CLN8: variants seen among roughly 807,000 people sequenced by gnomAD.
The protein encoded by CLN8 is CLN8 transmembrane ER and ERGIC protein.
Under a neutral mutation model 15.7 loss-of-function variants are expected in CLN8, and 14 were observed. That is an observed-to-expected ratio of 0.89 (90% CI 0.59 to 1.39). The LOEUF (loss-of-function observed/expected upper bound fraction) is 1.39, where lower values mean the gene tolerates loss of function less well. CLN8 is among the 40% of genes most tolerant of loss of function. The pLI is 0.00. For missense variants in CLN8, 415 were observed against 364.0 expected (o/e 1.14, Z -1.14); for synonymous variants, 188 against 151.0 (o/e 1.25, Z -1.80).
chr8:1,759,460 T>A (rs1302230474), upstream of CLN8: 1 of 152,086 alleles, frequency 6.6e-6, no homozygotes, highest in East Asian at 1.9e-4. Flanking sequence ...TAGAACCACT[T>A]GGTAGGATTC....
intron 2 of CLN8, among the ~76,000 whole-genome samples, chr8:1,775,373 T>C (rs1282604563): frequency 6.6e-6 from 1 of 152,176 alleles, no homozygotes; most frequent in African/African-American, 2.4e-5. Context: ...AGGGTGACTG[T>C]ATATTTAAGT....
chr8:1,781,550 A>C lies in CLN8; in HGVS notation c.*983A>C, dbSNP rs1327198736. The C allele has an allele frequency of 4.0e-5, 6 of 149,644 alleles. No individual in the cohort carries two copies. Among genetic ancestry groups the C allele is most frequent in the Admixed American group, 2.0e-4 (3 of 15,078 alleles). 9.3% of individuals were successfully genotyped at this position (149,644 alleles called of 1,614,324 possible). On this transcript the variant is annotated 3_prime_UTR_variant, in exon 3 of 3. Transcript: ENST00000331222. ...AATCTTGCAAGTTTTTTTTTTTTTT[A>C]AATCATGGTACCTGTTTTAAAATGA...
intron 1 of CLN8, among the ~76,000 whole-genome samples, chr8:1,767,403 C>G (rs981604661): frequency 6.6e-6 from 1 of 152,130 alleles, no homozygotes; most frequent in Admixed American, 6.5e-5. Context: ...TGTCTTTCAC[C>G]TATCTGCCAC....
Position 1,772,794 on chromosome 8 carries a change from A to G in CLN8, c.543+1197A>G, listed in dbSNP as rs145128234. On this transcript the variant is annotated intron_variant, in intron 2 of 2. Coordinates refer to ENST00000331222, the MANE Select transcript of CLN8 (RefSeq NM_018941.4). ...CGTGCACAGCCTTAAAATTGTTTTT[A>G]CATAGATTCTTGCTATCTTTTATGA... 1.0e-3 allele frequency: 393 copies of G among 389,132 alleles called. 1 individual carries two copies. The highest frequency in any genetic ancestry group is 7.4e-3 in the African/African-American group (361 of 48,530). The allele number at this position is 389,132 out of a possible 1,614,324, so 24.1% of individuals were successfully genotyped here. A position where few individuals can be genotyped will look rare whatever the true frequency, so the allele number is the denominator to read the frequency against.
At chr8:1,768,330 G>A (rs1217805941) in intron 1 of CLN8, among the ~76,000 whole-genome samples, 1 of 152,158 alleles carries the variant, frequency 6.6e-6, no homozygotes, top group African/African-American at 2.4e-5. Flanking sequence ...TGGTTCTCAT[G>A]TCCTGGAGTC....
chr8:1,760,156 C>T (rs1180825369), upstream of CLN8: 3 of 152,210 alleles, frequency 2.0e-5, no homozygotes, highest in Non-Finnish European at 4.4e-5. Flanking sequence ...GAGGTGCACA[C>T]ATTGCTAACC....
rs999774613 is a variant in CLN8, at chr8:1,757,585, C to G, written c.-124+1503C>G. On this transcript the variant is annotated intron_variant, in intron 1 of 1. Coordinates refer to the CLN8 transcript ENST00000524258. ...CCTCCCAAATTGCTGGAATTACAGG[C>G]ATGTGCCACGACACCCAGCTAATTT... Among the ~76,000 whole-genome samples the G allele has an allele frequency of 2.0e-4, 31 of 152,264 alleles. 1 individual carries two copies. Among genetic ancestry groups the G allele is most frequent in the Admixed American group, 1.9e-3 (29 of 15,294 alleles).
chr8:1,761,533 C>T (rs1036724546), upstream of CLN8, among the ~76,000 whole-genome samples: 1 of 152,224 alleles, frequency 6.6e-6, no homozygotes, highest in African/African-American at 2.4e-5. Context: ...CCATGTTGGC[C>T]AGGCTGGTCT....
intron 2 of CLN8, among the ~76,000 whole-genome samples, chr8:1,776,737 C>A (rs1801533265): frequency 6.6e-6 from 1 of 152,200 alleles, no homozygotes; most frequent in African/African-American, 2.4e-5. Context: ...CCTTGCGGCT[C>A]CATGCATAGG....
intron 1 of CLN8, 44 bp from the exon 2 acceptor site, chr8:1,770,888 T>C: frequency 1.5e-6 from 1 of 670,120 alleles, no homozygotes; most frequent in South Asian, 1.7e-5. Context: ...TGATGTGTCC[T>C]TGTTTCTATC....
At chr8:1,774,391 A>G (rs978401419) in intron 2 of CLN8, among the ~76,000 whole-genome samples, 3 of 152,194 alleles carry the variant, frequency 2.0e-5, no homozygotes, top group East Asian at 1.9e-4. Flanking sequence ...ACATAGTTCT[A>G]TTTTGCTCTA....
chr8:1,769,633 C>A (rs935743207), intron 1 of CLN8, among the ~76,000 whole-genome samples: 9 of 152,308 alleles, frequency 5.9e-5, no homozygotes, highest in African/African-American at 2.2e-4. Context: ...CGTTGTGTGC[C>A]TGGGTTTCCT....
chr8:1,778,156 CAG>C (rs1277012438), intron 2 of CLN8, among the ~76,000 whole-genome samples: 3 of 152,266 alleles, frequency 2.0e-5, no homozygotes, highest in Non-Finnish European at 4.4e-5. Context: ...GGCCAGTTGT[CAG>C]AGTGACTATA....
chr8:1,780,505 C>G lies in CLN8; in HGVS notation c.799C>G (p.Gln267Glu). ...LLNPVDWNFA[Q>E]PEAKSRPEGN... ...CAATCCGGTGGACTGGAACTTCGCA[C>G]AGCCAGAAGCCAAGAGCAGGCCAGA... The change falls in exon 3 of 3, where the codon CAG becomes GAG. Residue 267 changes from glutamine (Q) to glutamate (E), a missense_variant. Coordinates refer to ENST00000331222, the MANE Select transcript of CLN8 (RefSeq NM_018941.4). 1 of 1,614,236 alleles carries G rather than the reference C, an allele frequency of 6.2e-7. No homozygotes were observed. The highest frequency in any genetic ancestry group is 1.7e-5 in the Admixed American group (1 of 60,030).
At chr8:1,765,890 C>T (rs536810884) in intron 1 of CLN8, among the ~76,000 whole-genome samples, 2 of 152,230 alleles carry the variant, frequency 1.3e-5, no homozygotes, top group African/African-American at 2.4e-5. Context: ...AAACACTGAA[C>T]TTGCGTTAGC....
At chr8:1,776,728 C>T (rs573984967) in intron 2 of CLN8, among the ~76,000 whole-genome samples, 22 of 152,314 alleles carry the variant, frequency 1.4e-4, no homozygotes, top group African/African-American at 5.1e-4. Flanking sequence ...TTCTGGTGTC[C>T]TTGCGGCTCC....
intron 1 of CLN8, among the ~76,000 whole-genome samples, chr8:1,770,089 C>T (rs1036938231): frequency 7.9e-5 from 12 of 152,150 alleles, no homozygotes; most frequent in African/African-American, 2.9e-4. Flanking sequence ...ACACCCCAAA[C>T]ACCAAAAATG....
chr8:1,761,874 T>A (rs1398963903), upstream of CLN8: 1 of 152,218 alleles, frequency 6.6e-6, no homozygotes. Context: ...AGTGATGTTA[T>A]CCCCAGGAGC....
intron 2 of CLN8, among the ~76,000 whole-genome samples, chr8:1,775,027 C>CGT (rs1801457241): frequency 3.3e-5 from 5 of 151,864 alleles, no homozygotes; most frequent in African/African-American, 1.2e-4. Context: ...TGTATATATA[C>CGT]ATGTGTGTGT....
Sources: gnomAD v4.1 joint callset for allele counts (sites outside exome capture counted in the v4.1 genomes callset) on GRCh38, gnomAD v4.1.1 for gene constraint, MANE v1.5 for transcripts, NCBI Gene and HGNC (gene_info 2026-07-23, HGNC 2026-07-21) for gene names.